GULP1: variants seen among roughly 807,000 people sequenced by gnomAD.
GULP1 encodes the protein PTB domain-containing engulfment adapter protein 1.
Under a neutral mutation model 40.9 loss-of-function variants are expected in GULP1, and 19 were observed. The ratio of observed to expected loss-of-function variants is 0.46; its 90% CI spans 0.32 to 0.68. The LOEUF (loss-of-function observed/expected upper bound fraction) is 0.68, where lower values mean the gene tolerates loss of function less well. Ranked by LOEUF, GULP1 falls within the 30% of genes least tolerant of loss-of-function variation. GULP1 has a pLI of 0.03. For missense variants in GULP1, 312 were observed against 362.2 expected, an observed-to-expected ratio of 0.86 and a Z score of 1.12; for synonymous variants, 119 against 117.6, an observed-to-expected ratio of 1.01 and a Z score of -0.08.
intron 3 of GULP1, among the ~76,000 whole-genome samples, chr2:188,480,085 A>C (rs2061330395): frequency 6.6e-6 from 1 of 152,100 alleles, no homozygotes; most frequent in Non-Finnish European, 1.5e-5. Context: ...TCATTTGGTG[A>C]AGTTGTTAAA....
intron 7 of GULP1, among the ~76,000 whole-genome samples, chr2:188,548,032 TA>T (rs150328073): frequency 4.0e-5 from 6 of 151,866 alleles, no homozygotes; most frequent in Admixed American, 2.6e-4. Flanking sequence ...TACTTTATGG[TA>T]AAAAAAAGTA....
At chr2:188,363,430 G>A (rs1011675004) in intron 1 of GULP1, among the ~76,000 whole-genome samples, 17 of 152,110 alleles carry the variant, frequency 1.1e-4, no homozygotes, top group Non-Finnish European at 2.2e-4. Context: ...CCTAATTATG[G>A]AGGAGTGTAA....
At chr2:188,493,293 C>T (rs528340113) in intron 4 of GULP1, among the ~76,000 whole-genome samples, 24 of 29,180 alleles carry the variant, frequency 8.2e-4, no homozygotes, top group Non-Finnish European at 1.7e-3. Flanking sequence ...CTTTATTCTC[C>T]TGTAGAAAAA....
intron 1 of GULP1, among the ~76,000 whole-genome samples, chr2:188,373,386 G>A (rs2047871442): frequency 6.6e-6 from 1 of 151,612 alleles, no homozygotes; most frequent in African/African-American, 2.4e-5. Flanking sequence ...TTATATTTTG[G>A]TTCTTTATGA....
chr2:188,335,602 C>T (rs2042154954), intron 1 of GULP1, among the ~76,000 whole-genome samples: 1 of 152,130 alleles, frequency 6.6e-6, no homozygotes, highest in Non-Finnish European at 1.5e-5. Flanking sequence ...CTGTCATTAA[C>T]TAATAAGTAC....
At chr2:188,460,601 A>G (rs531743820) in intron 2 of GULP1, among the ~76,000 whole-genome samples, 42 of 152,272 alleles carry the variant, frequency 2.8e-4, no homozygotes, top group Non-Finnish European at 5.9e-4. Context: ...TGCAAATAAA[A>G]ATAGTTTGGC....
At chr2:188,485,488 G>A (rs774366669) in intron 4 of GULP1, among the ~76,000 whole-genome samples, 3 of 151,838 alleles carry the variant, frequency 2.0e-5, no homozygotes, top group Non-Finnish European at 4.4e-5. Flanking sequence ...TCCTTTGTTT[G>A]TGGCACTTAT....
intron 1 of GULP1, among the ~76,000 whole-genome samples, chr2:188,350,719 C>A (rs1274212106): frequency 6.6e-6 from 1 of 151,694 alleles, no homozygotes; most frequent in African/African-American, 2.4e-5. Flanking sequence ...TTAATTGTAA[C>A]AAATTTTTGA....
At chr2:188,424,892 T>C (rs112425078) in intron 2 of GULP1, among the ~76,000 whole-genome samples, 38 of 152,176 alleles carry the variant, frequency 2.5e-4, no homozygotes, top group African/African-American at 7.7e-4. Context: ...ATGGAATTTC[T>C]TGTAAAATGT....
chr2:188,530,918 A>T (rs1687371658), intron 6 of GULP1, among the ~76,000 whole-genome samples: 1 of 152,204 alleles, frequency 6.6e-6, no homozygotes, highest in African/African-American at 2.4e-5. Context: ...TTCTTCTAAC[A>T]CCATAGGATA....
intron 2 of GULP1, among the ~76,000 whole-genome samples, chr2:188,413,242 G>A (rs2054149288): frequency 6.6e-6 from 1 of 152,162 alleles, no homozygotes; most frequent in Non-Finnish European, 1.5e-5. Flanking sequence ...GGTGTTTCTA[G>A]TTCTAGATCC....
At chr2:188,581,140 C>CT (rs1397067078) in intron 9 of GULP1, among the ~76,000 whole-genome samples, 1 of 152,194 alleles carries the variant, frequency 6.6e-6, no homozygotes, top group Non-Finnish European at 1.5e-5. Context: ...ACTCAGGGGC[C>CT]TCCTTTTAGG....
rs559857860 is a variant in GULP1 at position 188,317,796 on chromosome 2, G to T, written c.-172+25630G>T. Among the ~76,000 whole-genome samples, 147 of 150,150 alleles carry T rather than the reference G, an allele frequency of 9.8e-4. 1 individual carries two copies. Among genetic ancestry groups the T allele is most frequent in the Admixed American group, 1.4e-3 (21 of 15,056 alleles). On this transcript the variant is annotated intron_variant, in intron 1 of 11. Coordinates refer to ENST00000409830, the MANE Select transcript of GULP1 (RefSeq NM_016315.4). ...ATATGCTATTAAGTGAATTAGTGAG[G>T]TTTTTTTTTTATATTGTGGCATATG...
At chr2:188,583,154 G>A (rs1436133556) in intron 9 of GULP1, among the ~76,000 whole-genome samples, 2 of 152,202 alleles carry the variant, frequency 1.3e-5, no homozygotes, top group East Asian at 3.9e-4. Context: ...TAACAGTAAA[G>A]GGGTGAGGGG....
intron 2 of GULP1, among the ~76,000 whole-genome samples, chr2:188,442,579 T>C (rs2058033345): frequency 6.6e-6 from 1 of 152,212 alleles, no homozygotes; most frequent in Non-Finnish European, 1.5e-5. Flanking sequence ...AGGTAAGTAC[T>C]GAGATGCTTT....
At chr2:188,423,967 T>A (rs1249910599) in intron 2 of GULP1, among the ~76,000 whole-genome samples, 1 of 151,840 alleles carries the variant, frequency 6.6e-6, no homozygotes, top group African/African-American at 2.4e-5. Context: ...CAAAATCAAA[T>A]GTAGCTCTGC....
chr2:188,298,999 C>G (rs968409870), intron 1 of GULP1, among the ~76,000 whole-genome samples: 24 of 152,174 alleles, frequency 1.6e-4, no homozygotes, highest in Admixed American at 5.2e-4. Context: ...CAGCTAGTCC[C>G]TACTGCTTGT....
chr2:188,454,552 G>A (rs772518064), intron 2 of GULP1, among the ~76,000 whole-genome samples: 13 of 152,186 alleles, frequency 8.5e-5, no homozygotes, highest in Admixed American at 2.0e-4. Context: ...CTTGAAGGTG[G>A]GGTTTCACCA....
At chr2:188,385,776 G>A (rs183600694) in intron 2 of GULP1, among the ~76,000 whole-genome samples, 35 of 152,186 alleles carry the variant, frequency 2.3e-4, no homozygotes, top group African/African-American at 7.5e-4. Flanking sequence ...GCAAAATGCC[G>A]CCAGTCTCTT....
Sources: gnomAD v4.1 joint callset for allele counts (sites outside exome capture counted in the v4.1 genomes callset) on GRCh38, gnomAD v4.1.1 for gene constraint, MANE v1.5 for transcripts, NCBI Gene and HGNC (gene_info 2026-07-23, HGNC 2026-07-21) for gene names.